The following RBFOX1 variants were observed in gnomAD, a reference collection of about 807,000 sequenced individuals.
RBFOX1 encodes the protein RNA binding fox-1 homolog 1.
Under a neutral mutation model 57.7 loss-of-function variants are expected in RBFOX1, and 8 were observed. The ratio of observed to expected loss-of-function variants is 0.14; its 90% CI spans 0.08 to 0.25. The LOEUF (loss-of-function observed/expected upper bound fraction) is 0.25, where lower values mean the gene tolerates loss of function less well. Ranked by LOEUF, RBFOX1 falls within the 10% of genes least tolerant of loss-of-function variation. The pLI, the probability that RBFOX1 is intolerant of heterozygous loss-of-function variation, is 1.00. For synonymous variants in RBFOX1, 326 were observed against 222.4 expected, an observed-to-expected ratio of 1.47 and a Z score of -4.15; for missense variants, 611 against 548.5, an observed-to-expected ratio of 1.11 and a Z score of -1.14.
chr16:6,811,471 T>A (rs920256765), intron 3 of RBFOX1, among the ~76,000 whole-genome samples: 1 of 152,222 alleles, frequency 6.6e-6, no homozygotes, highest in Non-Finnish European at 1.5e-5. Context: ...GTAAAATTCC[T>A]GTTTGATTTA....
chr16:7,118,650 G>A (rs1400373039), intron 4 of RBFOX1, among the ~76,000 whole-genome samples: 2 of 152,054 alleles, frequency 1.3e-5, no homozygotes, highest in African/African-American at 4.8e-5. Flanking sequence ...TATTCCATTG[G>A]TTAGAAACAA....
chr16:5,852,613 A>G (rs970137460), intron 3 of RBFOX1, among the ~76,000 whole-genome samples: 14 of 152,108 alleles, frequency 9.2e-5, no homozygotes, highest in African/African-American at 3.4e-4. Context: ...TGATCAACCA[A>G]TGCTTGATGC....
intron 4 of RBFOX1, among the ~76,000 whole-genome samples, chr16:7,107,097 C>A (rs1483786159): frequency 1.3e-5 from 2 of 151,976 alleles, no homozygotes; most frequent in Non-Finnish European, 2.9e-5. Context: ...AAGCCTGTTT[C>A]GAAAGTTGGG....
chr16:7,328,477 C>CAAAAAAAAA (rs58553232), intron 4 of RBFOX1, among the ~76,000 whole-genome samples: 2 of 60,740 alleles, frequency 3.3e-5, no homozygotes, highest in African/African-American at 6.1e-5. Flanking sequence ...GACTCTGTCT[C>CAAAAAAAAA]AAAAAAAAAA....
At chr16:6,943,243 G>A (rs1425705270) in intron 3 of RBFOX1, among the ~76,000 whole-genome samples, 1 of 152,210 alleles carries the variant, frequency 6.6e-6, no homozygotes, top group Non-Finnish European at 1.5e-5. Flanking sequence ...GAGAAAGCCA[G>A]CAGTCAATGA....
intron 4 of RBFOX1, among the ~76,000 whole-genome samples, chr16:7,284,202 GT>G (rs1186433435): frequency 6.6e-6 from 1 of 152,212 alleles, no homozygotes; most frequent in Non-Finnish European, 1.5e-5. Flanking sequence ...GTTGTTTCCA[GT>G]TTTTGCTGAT....
chr16:6,428,995 G>T (rs1169277149), intron 2 of RBFOX1, among the ~76,000 whole-genome samples: 1 of 152,212 alleles, frequency 6.6e-6, no homozygotes. Flanking sequence ...ACTTGTCTGG[G>T]AGGTGCACAT....
chr16:7,302,665 G>T (rs1266158886), intron 4 of RBFOX1, among the ~76,000 whole-genome samples: 1 of 150,160 alleles, frequency 6.7e-6, no homozygotes, highest in Non-Finnish European at 1.5e-5. Context: ...CCAATCACTG[G>T]GTCAAAATCT....
chr16:6,550,751 G>T (rs545438075), intron 2 of RBFOX1, among the ~76,000 whole-genome samples: 1 of 152,176 alleles, frequency 6.6e-6, no homozygotes, highest in African/African-American at 2.4e-5. Flanking sequence ...ACCTACTTCA[G>T]TTTTAGTTTC....
chr16:6,776,787 T>A lies in RBFOX1; in HGVS notation c.-16+122137T>A, dbSNP rs2079447650. Among the ~76,000 whole-genome samples, 3 of 152,256 alleles carry A rather than the reference T, an allele frequency of 2.0e-5. No individual in the cohort carries two copies. The South Asian group carries it at 6.2e-4, about 31-fold the overall frequency. On this transcript the variant is annotated intron_variant, in intron 3 of 15. Coordinates refer to ENST00000550418, the MANE Select transcript of RBFOX1 (RefSeq NM_018723.4). ...TAATGCAATCAAATTAGAAGTTAAA[T>A]CTGATACTGTAACAAGTTACCACCT...
intron 1 of RBFOX1, among the ~76,000 whole-genome samples, chr16:6,183,343 G>C (rs555149238): frequency 6.6e-6 from 1 of 151,714 alleles, no homozygotes; most frequent in Non-Finnish European, 1.5e-5. Flanking sequence ...AGCCAGGTGC[G>C]GTGCCATACT....
At chr16:5,930,633 GA>G in intron 4 of RBFOX1, among the ~76,000 whole-genome samples, 1 of 117,376 alleles carries the variant, frequency 8.5e-6, no homozygotes, top group African/African-American at 3.3e-5. Context: ...TGCATGGCTG[GA>G]TGCATGGTTG....
chr16:7,438,920 C>T (rs986312223), intron 4 of RBFOX1, among the ~76,000 whole-genome samples: 8 of 152,114 alleles, frequency 5.3e-5, no homozygotes, highest in Non-Finnish European at 1.2e-4. Context: ...CTTGATGTGT[C>T]CCTGGGAATA....
intron 3 of RBFOX1, among the ~76,000 whole-genome samples, chr16:5,693,913 C>T (rs2050769940): frequency 6.6e-6 from 1 of 152,148 alleles, no homozygotes; most frequent in Non-Finnish European, 1.5e-5. Context: ...GCCTCATTCC[C>T]CCACCTCGTC....
downstream of RBFOX1, among the ~76,000 whole-genome samples, chr16:5,600,525 G>A (rs1420470329): frequency 6.7e-6 from 1 of 150,278 alleles, no homozygotes; most frequent in Non-Finnish European, 1.5e-5. Flanking sequence ...CTTGGCCCTG[G>A]GCCTTGTCCA....
intron 1 of RBFOX1, among the ~76,000 whole-genome samples, chr16:6,289,410 G>A (rs2077230770): frequency 6.6e-6 from 1 of 152,062 alleles, no homozygotes; most frequent in Non-Finnish European, 1.5e-5. Flanking sequence ...AGGAAGTGAG[G>A]AAGTAACTCC....
intron 4 of RBFOX1, among the ~76,000 whole-genome samples, chr16:7,288,591 A>C (rs1216607966): frequency 6.6e-6 from 1 of 152,204 alleles, no homozygotes; most frequent in Non-Finnish European, 1.5e-5. Flanking sequence ...CTATAACCCC[A>C]GTACTTTGGG....
chr16:6,619,913 C>T (rs185585039), intron 2 of RBFOX1, among the ~76,000 whole-genome samples: 11 of 152,136 alleles, frequency 7.2e-5, no homozygotes, highest in African/African-American at 1.4e-4. Context: ...TGTGTGTCCA[C>T]GTGTTCTCAT....
chr16:7,383,823 G>A (rs1043051874), intron 4 of RBFOX1, among the ~76,000 whole-genome samples: 3 of 152,064 alleles, frequency 2.0e-5, no homozygotes, highest in African/African-American at 2.4e-5. Flanking sequence ...TTGGGAGGCC[G>A]AGGCGGGCAG....
Sources: gnomAD v4.1 joint callset for allele counts (sites outside exome capture counted in the v4.1 genomes callset) on GRCh38, gnomAD v4.1.1 for gene constraint, MANE v1.5 for transcripts, NCBI Gene and HGNC (gene_info 2026-07-23, HGNC 2026-07-21) for gene names.